RLF: variants seen among roughly 807,000 people sequenced by gnomAD.
RLF encodes RLF zinc finger.
Under a neutral mutation model 162.9 loss-of-function variants are expected in RLF, and 7 were observed. The ratio of observed to expected loss-of-function variants is 0.04; its 90% CI spans 0.02 to 0.08. RLF has a LOEUF of 0.08. Among genes scored for constraint, RLF ranks in the 10% least tolerant of loss-of-function variants. The pLI is 1.00. For synonymous variants in RLF, 782 were observed against 791.5 expected (o/e 0.99, Z 0.20); for missense variants, 1,664 against 2,244.7 (o/e 0.74, Z 5.23).
rs372085028 is a variant in RLF at position 40,165,200 on chromosome 1, G to A, written c.237+3564G>A. 8.5e-5 allele frequency among the ~76,000 whole-genome samples: 13 copies of A among 152,268 alleles called. 1 individual carries two copies. Among genetic ancestry groups the A allele is most frequent in the East Asian group, 3.9e-4 (2 of 5,192 alleles). ...GTTTTCACAACCTTGGTCTCAGCAT[G>A]CTTTTCAGCCCTCCCCTTGTCAGTC... On this transcript the variant is annotated intron_variant, in intron 1 of 7. Transcript: ENST00000372771.
chr1:40,161,536 C>T lies in RLF; in HGVS notation c.137C>T (p.Ala46Val). The T allele has an allele frequency of 1.9e-6, 3 of 1,607,206 alleles. No individual in the cohort carries two copies. Among genetic ancestry groups the T allele is most frequent in the Non-Finnish European group, 2.5e-6 (3 of 1,177,236 alleles). The change falls in exon 1 of 8, where the codon GCC becomes GTC. Residue 46 changes from alanine (A) to valine (V), a missense_variant. Ala to Val is a moderately conservative substitution (Grantham distance 64). This residue lies in a region of RLF where 134 missense variants were observed against 124.3 expected (regional missense o/e 1.08). Coordinates refer to ENST00000372771, the MANE Select transcript of RLF (RefSeq NM_012421.4). The surrounding 1 kb of genome is among the most constrained non-coding windows in gnomAD (Gnocchi z 4.4). ...CGCCCCGTATCTCCAGCGCCGGGAG[C>T]CTCGGGACTGCGGCCGTGTCTGTGG... Reference protein sequence around the residue: ...GHRPVSPAPGASGLRPCLWQL... With the variant: ...GHRPVSPAPGVSGLRPCLWQL...
chr1:40,195,405 C>G (rs760520356), intron 3 of RLF, among the ~76,000 whole-genome samples: 1 of 150,770 alleles, frequency 6.6e-6, no homozygotes, highest in Non-Finnish European at 1.5e-5. Context: ...GCTGAGATCG[C>G]GCCACTGCAC....
intron 5 of RLF, among the ~76,000 whole-genome samples, chr1:40,211,149 G>C (rs1642859892): frequency 6.6e-6 from 1 of 152,204 alleles, no homozygotes; most frequent in Non-Finnish European, 1.5e-5. Context: ...AATATTTTCT[G>C]TCTGTCCTTG....
At chr1:40,224,558 G>C (rs371798096) in intron 6 of RLF, among the ~76,000 whole-genome samples, 1 of 125,814 alleles carries the variant, frequency 7.9e-6, no homozygotes, top group African/African-American at 2.9e-5. Flanking sequence ...ACAGACGTGA[G>C]CCACTGCGCC....
At position 40,237,090 on chromosome 1, in the gene RLF, T is replaced by C. The variant is rs867112174; in HGVS notation, c.2388T>C (p.Phe796=). The C allele has an allele frequency of 6.2e-7, 1 of 1,614,140 alleles. No individual in the cohort carries two copies. The highest frequency in any genetic ancestry group is 8.5e-7 in the Non-Finnish European group (1 of 1,179,984). ...GQLYHHEAQH[F]RDASYTCNFL... ...TTTACCACCATGAAGCACAACACTT[T>C]AGGGATGCATCTTACACATGCAACT... is the stretch of plus-strand genomic sequence containing the variant. The change falls in exon 8 of 8, where the codon TTT becomes TTC. Residue 796 remains phenylalanine, a synonymous_variant. Transcript: ENST00000372771. The surrounding 1 kb of genome is among the most constrained non-coding windows in gnomAD (Gnocchi z 4.4).
intron 6 of RLF, among the ~76,000 whole-genome samples, chr1:40,224,578 CTTTT>C (rs59980316): frequency 0.08 from 3,254 of 40,506 alleles, 203 homozygotes; most frequent in African/African-American, 0.25. Flanking sequence ...CTGGCCACAT[CTTTT>C]TTTTTTTTTT....
At chr1:40,180,334 T>C (rs1642389273) in intron 1 of RLF, among the ~76,000 whole-genome samples, 1 of 152,098 alleles carries the variant, frequency 6.6e-6, no homozygotes. Flanking sequence ...TCTTGACTCA[T>C]TGTAACCTCT....
chr1:40,170,085 C>A (rs1376824023), intron 1 of RLF, among the ~76,000 whole-genome samples: 1 of 152,098 alleles, frequency 6.6e-6, no homozygotes, highest in Non-Finnish European at 1.5e-5. Flanking sequence ...AGGTCTAGAA[C>A]ATTTTGCCAT....
At chr1:40,201,061 A>C (rs1346758694) in intron 4 of RLF, among the ~76,000 whole-genome samples, 18 of 374 alleles carry the variant, frequency 0.048, 7 homozygotes, top group African/African-American at 0.2. Flanking sequence ...CACCTCACAC[A>C]CACACACACC....
At chr1:40,195,847 C>A in intron 4 of RLF, 83 bp downstream of exon 4, 2 of 1,259,906 alleles carry the variant, frequency 1.6e-6, no homozygotes, top group Non-Finnish European at 2.2e-6. Context: ...GGGAATTTAA[C>A]TTGTGTATAT....
At chr1:40,183,295 T>G (rs970622639) in intron 1 of RLF, among the ~76,000 whole-genome samples, 10 of 152,336 alleles carry the variant, frequency 6.6e-5, no homozygotes, top group African/African-American at 1.4e-4. Context: ...GTGCAAAATT[T>G]GAAATAATCC....
chr1:40,190,749 A>G (rs1642545303), intron 2 of RLF, 23 bp from the exon 3 acceptor site: 1 of 1,486,464 alleles, frequency 6.7e-7, no homozygotes, highest in Non-Finnish European at 9.4e-7. Context: ...CCACCTTTAT[A>G]TACTTACTCA....
chr1:40,169,757 A>T (rs1472179290), intron 1 of RLF, among the ~76,000 whole-genome samples: 1 of 138,786 alleles, frequency 7.2e-6, no homozygotes, highest in Admixed American at 7.4e-5. Context: ...CAGTGACGTG[A>T]TCTCGGCTCA....
At chr1:40,185,826 CAAAAAAA>C (rs762760072) in intron 1 of RLF, among the ~76,000 whole-genome samples, 1 of 30,286 alleles carries the variant, frequency 3.3e-5, no homozygotes, top group Admixed American at 6.5e-4. Context: ...GAGACTGTCT[CAAAAAAA>C]AAAAAAAAGC....
intron 1 of RLF, among the ~76,000 whole-genome samples, chr1:40,171,729 AAT>A (rs1170820251): frequency 6.6e-6 from 1 of 152,156 alleles, no homozygotes; most frequent in Non-Finnish European, 1.5e-5. Context: ...TTTTTGGAAA[AAT>A]ACATATAGAA....
intron 1 of RLF, among the ~76,000 whole-genome samples, chr1:40,178,607 G>T (rs1642360252): frequency 6.9e-6 from 1 of 144,582 alleles, no homozygotes. Context: ...TGAACCCAAA[G>T]CTGTCTTTGG....
chr1:40,179,543 ACT>A (rs1005973247), intron 1 of RLF, among the ~76,000 whole-genome samples: 1 of 133,902 alleles, frequency 7.5e-6, no homozygotes, highest in Non-Finnish European at 1.6e-5. Context: ...CTTAAAGTTA[ACT>A]CTTTTTTTTT....
intron 3 of RLF, among the ~76,000 whole-genome samples, chr1:40,191,611 G>C (rs1642558462): frequency 1.3e-5 from 2 of 151,896 alleles, no homozygotes; most frequent in Non-Finnish European, 2.9e-5. Flanking sequence ...CAGCTACTCA[G>C]GAGGCTGAGG....
chr1:40,172,950 T>C (rs563868559), intron 1 of RLF, among the ~76,000 whole-genome samples: 1 of 152,356 alleles, frequency 6.6e-6, no homozygotes, highest in South Asian at 2.1e-4. Context: ...CAATAGTGTT[T>C]GGGAGTCCCC....
Sources: gnomAD v4.1 joint callset for allele counts (sites outside exome capture counted in the v4.1 genomes callset) on GRCh38, gnomAD v4.1.1 for gene constraint, gnomAD v4.1.1 regional missense constraint, Gnocchi (gnomAD v3.1) non-coding constraint, MANE v1.5 for transcripts, NCBI Gene and HGNC (gene_info 2026-07-23, HGNC 2026-07-21) for gene names.